Variants in ZNF473 observed in about 807,000 individuals in gnomAD.
ZNF473 encodes the protein zinc finger protein 473.
A neutral mutation model predicts 11.1 loss-of-function variants in ZNF473; 4 were observed. The ratio of observed to expected loss-of-function variants is 0.36; its 90% confidence interval spans 0.18 to 0.82. ZNF473 has a LOEUF of 0.82. Ranked by LOEUF, ZNF473 falls within the 40% of genes least tolerant of loss-of-function variation. ZNF473 has a pLI of 0.49. For missense variants in ZNF473, 854 were observed against 1,084.0 expected, an observed-to-expected ratio of 0.79 and a Z score of 2.98; for synonymous variants, 404 against 390.4, an observed-to-expected ratio of 1.03 and a Z score of -0.41.
chr19:50,034,529 C>T (rs997002718), intron 2 of ZNF473, among the ~76,000 whole-genome samples: 3 of 152,070 alleles, frequency 2.0e-5, no homozygotes, highest in African/African-American at 7.2e-5. Context: ...CCCAGAAGTC[C>T]TTCGTGGGCT....
Position 50,046,513 on chromosome 19 carries a change from TCAG to T in ZNF473, c.2073_2075del (p.Gln691del). The T allele has an allele frequency of 6.2e-7, 1 of 1,614,236 alleles. No homozygotes were observed. The highest frequency in any genetic ancestry group is 8.5e-7 in the Non-Finnish European group (1 of 1,180,048). ...TCTTCACCCAGAGAAACTACCTTGT[TCAG>T]CATGAGCGAACTCATGCCAGAAAGA... On this transcript the variant is annotated inframe_deletion, in exon 5 of 5. Coordinates refer to ENST00000270617, the MANE Select transcript of ZNF473 (RefSeq NM_015428.4). The surrounding 1 kb of genome is among the most constrained non-coding windows in gnomAD (Gnocchi z 5.9).
chr19:50,047,718 A>C lies in ZNF473; in HGVS notation c.*659A>C, dbSNP rs977409974. 3 of 152,282 alleles carry C rather than the reference A, an allele frequency of 2.0e-5. No individual in the cohort carries two copies. The highest frequency in any genetic ancestry group is 7.2e-5 in the African/African-American group (3 of 41,416). 9.4% of individuals were successfully genotyped at this position (152,282 alleles called of 1,614,324 possible). ...TAAACTCTTCACCTCAACTAGCTAC[A>C]ACCTTCCACTCCTAACCTCCCAAGC... is the stretch of plus-strand genomic sequence containing the variant. On this transcript the variant is annotated 3_prime_UTR_variant, in exon 5 of 5. Coordinates refer to ENST00000270617, the MANE Select transcript of ZNF473 (RefSeq NM_015428.4).
intron 4 of ZNF473, chr19:50,043,448 A>AATATATATATATAT (rs68083079): frequency 1.9e-5 from 2 of 107,916 alleles, no homozygotes; most frequent in African/African-American, 7.9e-5. Context: ...AAAAAAAAAA[A>AATATATATATATAT]ATATATATAT....
At chr19:50,043,448 A>ATATATATAT (rs1555735329) in intron 4 of ZNF473, 1 of 107,916 alleles carries the variant, frequency 9.3e-6, no homozygotes, top group African/African-American at 3.9e-5. Context: ...AAAAAAAAAA[A>ATATATATAT]ATATATATAT....
At chr19:50,035,837 G>T (rs1439460458) in intron 2 of ZNF473, among the ~76,000 whole-genome samples, 1 of 152,150 alleles carries the variant, frequency 6.6e-6, no homozygotes, top group African/African-American at 2.4e-5. Flanking sequence ...TTTGAACTGG[G>T]ACCTGTCTGA....
Position 50,039,403 on chromosome 19 carries a change from C to A in ZNF473, c.136+116C>A. 1 of 1,384,934 alleles carries A rather than the reference C, an allele frequency of 7.2e-7. No individual in the cohort carries two copies. The highest frequency in any genetic ancestry group is 1.3e-5 in the South Asian group (1 of 74,352). The allele number at this position is 1,384,934 out of a possible 1,614,324, so 85.8% of individuals were successfully genotyped here. ...CTGGGCTCCTCAGAATCAGCATGAC[C>A]TAGCCCAGCAGTTCTCAGCTGGCCG... is the stretch of plus-strand genomic sequence containing the variant. On this transcript the variant is annotated intron_variant, in intron 3 of 4. Coordinates refer to ENST00000270617, the MANE Select transcript of ZNF473 (RefSeq NM_015428.4). The surrounding 1 kb of genome is among the most constrained non-coding windows in gnomAD (Gnocchi z 4.8).
rs1568410673 is a variant in ZNF473 at position 50,045,113 on chromosome 19, C to G, written c.670C>G (p.Leu224Val). The change falls in exon 5 of 5, where the codon CTT becomes GTT. Residue 224 changes from leucine (L) to valine (V), a missense_variant. Around this residue, in one of 2 missense-constraint regions of ZNF473, gnomAD observed 668 missense variants for 790.2 expected, o/e 0.85. Transcript: ENST00000270617. ...GAAAAGCTTCAGTGGGAGTTACCGT[C>G]TTACCCAGCACTGGATCACTCATAC... ...CGKSFSGSYR[L>V]TQHWITHTRE... 6.2e-7 allele frequency: 1 copy of G among 1,614,206 alleles called. No individual in the cohort carries two copies. The highest frequency in any genetic ancestry group is 1.3e-5 in the African/African-American group (1 of 75,056).
intron 2 of ZNF473, among the ~76,000 whole-genome samples, chr19:50,037,718 A>G (rs10403049): frequency 0.052 from 7,823 of 151,426 alleles, 662 homozygotes; most frequent in African/African-American, 0.18. Context: ...GCTACTTGGA[A>G]GCTGAGGCAG....
At chr19:50,026,542 C>A in intron 1 of ZNF473, among the ~76,000 whole-genome samples, 2 of 134,272 alleles carry the variant, frequency 1.5e-5, no homozygotes, top group African/African-American at 2.9e-5. Context: ...CAGAGCGAGA[C>A]TACATCTTAA....
At chr19:50,036,366 T>C (rs1458652815) in intron 2 of ZNF473, among the ~76,000 whole-genome samples, 1 of 136,776 alleles carries the variant, frequency 7.3e-6, no homozygotes, top group Non-Finnish European at 1.5e-5. Flanking sequence ...CAGGCTGGAG[T>C]GCAGTGGCGC....
rs1978661439 is a variant in ZNF473 at position 50,039,576 on chromosome 19, A to C, written c.136+289A>C. Among the ~76,000 whole-genome samples the C allele has an allele frequency of 1.3e-5, 2 of 152,248 alleles. No homozygotes were observed. Among genetic ancestry groups the C allele is most frequent in the South Asian group, 4.1e-4 (2 of 4,838 alleles). The stretch of plus-strand genomic sequence containing the variant: ...CAGCCCCACAACCAAGGATTGGCCC[A>C]CGCCAGTGTCAGTAGTGCTAAGCCT... On this transcript the variant is annotated intron_variant, in intron 3 of 4. Transcript: ENST00000270617. This position sits in a 1 kb window ranked among gnomAD's most constrained non-coding sequence, Gnocchi z 4.8.
chr19:50,045,691 T>C lies in ZNF473; in HGVS notation c.1248T>C (p.Ser416=). Residue 416 remains serine, a synonymous_variant, in exon 5 of 5, where the codon TCT becomes TCC. Coordinates refer to ENST00000270617, the MANE Select transcript of ZNF473 (RefSeq NM_015428.4). ...NERGKSFRHN[S]TLKIHQRVHS... ...GTGGGAAATCCTTCAGGCATAACTCTACCCTAAAGATCCATCAGAGGGTTC... is the reference window on the plus strand; with the variant it reads ...GTGGGAAATCCTTCAGGCATAACTCCACCCTAAAGATCCATCAGAGGGTTC... 1 of 1,614,132 alleles carries C rather than the reference T, an allele frequency of 6.2e-7. No homozygotes were observed. Among genetic ancestry groups the C allele is most frequent in the East Asian group, 2.2e-5 (1 of 44,884 alleles).
chr19:50,044,743 G>C lies in ZNF473; in HGVS notation c.300G>C (p.Glu100Asp). The change falls in exon 5 of 5, where the codon GAG (glutamate) becomes GAC (aspartate). Residue 100 changes from glutamate to aspartate, a missense_variant. Glu to Asp is a conservative substitution (Grantham distance 45, BLOSUM62 2). This residue lies in a region of ZNF473 where 668 missense variants were observed against 790.2 expected (regional missense o/e 0.85). Coordinates refer to ENST00000270617, the MANE Select transcript of ZNF473 (RefSeq NM_015428.4). Reference sequence around the variant, plus strand: ...AAGGATTCTCCCAGGAGATTATAGAGATGTTATCCAAGGATGGCTTCTGGA... The same window carrying C: ...AAGGATTCTCCCAGGAGATTATAGACATGTTATCCAAGGATGGCTTCTGGA... ...FEEGFSQEII[E>D]MLSKDGFWNS... 2 of 1,614,196 alleles carry C rather than the reference G, an allele frequency of 1.2e-6. No individual in the cohort carries two copies. The highest frequency in any genetic ancestry group is 1.7e-6 in the Non-Finnish European group (2 of 1,180,028).
Position 50,030,883 on chromosome 19 carries a change from C to G in ZNF473, c.-191-9C>G. ...CTTCAGTAAATATAGTTGTTGTTGT[C>G]CCCTGCAGGGAGACTCACATTGGGA... is the stretch of plus-strand genomic sequence containing the variant. On this transcript the variant is annotated splice_polypyrimidine_tract_variant and intron_variant, in intron 1 of 4. Transcript: ENST00000270617. The G allele has an allele frequency of 2.9e-6, 2 of 689,294 alleles. No homozygotes were observed. Among genetic ancestry groups the G allele is most frequent in the Non-Finnish European group, 2.5e-6 (1 of 395,334 alleles). The allele number at this position is 689,294 out of a possible 1,614,324, so 42.7% of individuals were successfully genotyped here.
Position 50,045,320 on chromosome 19 carries a change from A to ATAC in ZNF473, c.877_878insTAC (p.Lys293delinsIleGln). On this transcript the variant is annotated protein_altering_variant, in exon 5 of 5. Transcript: ENST00000270617. ...AACTCACACTGGAGAAAAACCATGTAAGAGTCAAGATAGTGACCACCCACC... is the reference window on the plus strand; with the variant it reads ...AACTCACACTGGAGAAAAACCATGTATACAGAGTCAAGATAGTGACCACCCACC... 1 of 1,614,166 alleles carries ATAC rather than the reference A, an allele frequency of 6.2e-7. No homozygotes were observed. Among genetic ancestry groups the ATAC allele is most frequent in the Non-Finnish European group, 8.5e-7 (1 of 1,180,028 alleles).
intron 2 of ZNF473, among the ~76,000 whole-genome samples, chr19:50,038,882 G>T (rs1438370183): frequency 6.6e-6 from 1 of 152,208 alleles, no homozygotes; most frequent in Non-Finnish European, 1.5e-5. Context: ...TAAAGCAAAA[G>T]CGTAAAATAG....
chr19:50,035,654 G>A (rs1474714835), intron 2 of ZNF473, among the ~76,000 whole-genome samples: 2 of 152,144 alleles, frequency 1.3e-5, no homozygotes, highest in Non-Finnish European at 2.9e-5. Context: ...CAGATAAGTA[G>A]ACAACAAGCA....
chr19:50,042,943 T>G (rs1039857327), intron 4 of ZNF473, among the ~76,000 whole-genome samples: 5 of 152,240 alleles, frequency 3.3e-5, no homozygotes, highest in African/African-American at 1.2e-4. Context: ...AGGCTTTCAT[T>G]TGCAAGTTTT....
intron 1 of ZNF473, among the ~76,000 whole-genome samples, chr19:50,030,482 G>A (rs1366173929): frequency 6.6e-6 from 1 of 152,204 alleles, no homozygotes; most frequent in East Asian, 1.9e-4. Flanking sequence ...TAGTACTCCA[G>A]CCTGGCAACA....
Sources: gnomAD v4.1 joint callset for allele counts (sites outside exome capture counted in the v4.1 genomes callset) on GRCh38, gnomAD v4.1.1 for gene constraint, gnomAD v4.1.1 regional missense constraint, Gnocchi (gnomAD v3.1) non-coding constraint, MANE v1.5 for transcripts, NCBI Gene and HGNC (gene_info 2026-07-23, HGNC 2026-07-21) for gene names.